Variants in CHST12 observed in about 807,000 individuals in gnomAD.
CHST12 encodes carbohydrate sulfotransferase 12.
A neutral mutation model predicts 27.9 loss-of-function variants in CHST12; 23 were observed. The observed-to-expected ratio is 0.82, with a 90% CI of 0.59 to 1.17. CHST12 has a LOEUF of 1.17. Ranked by LOEUF, CHST12 falls within the 50% of genes most tolerant of loss-of-function variation. The pLI, the probability that CHST12 is intolerant of heterozygous loss-of-function variation, is 0.00. For missense variants in CHST12, 682 were observed against 603.0 expected (o/e 1.13, Z -1.37); for synonymous variants, 322 against 273.0 (o/e 1.18, Z -1.77).
chr7:2,407,310 T>C (rs1781549755), intron 1 of CHST12, among the ~76,000 whole-genome samples: 1 of 151,774 alleles, frequency 6.6e-6, no homozygotes, highest in Non-Finnish European at 1.5e-5. Flanking sequence ...TAGCCAGGTG[T>C]GGTGGTGTGC....
intron 1 of CHST12, among the ~76,000 whole-genome samples, chr7:2,408,441 G>A (rs1781580132): frequency 6.7e-6 from 1 of 150,132 alleles, no homozygotes; most frequent in African/African-American, 2.4e-5. Flanking sequence ...CTCAGAACAA[G>A]AGGAGAAAGT....
intron 1 of CHST12, among the ~76,000 whole-genome samples, chr7:2,419,037 A>G (rs1033180258): frequency 2.6e-5 from 4 of 152,136 alleles, no homozygotes; most frequent in African/African-American, 4.8e-5. Context: ...GGCTCAAGCA[A>G]TCCCCCTGCC....
At position 2,437,468 on chromosome 7, in the gene CHST12, T is replaced by A. The variant is rs1782499421; in HGVS notation, c.*3584T>A. ...CCCTCTTTCCTCTTAAAGCATCTCA[T>A]GCTTCTTCATTCGCTGATACTTACA... On this transcript the variant is annotated 3_prime_UTR_variant, in exon 2 of 2. Transcript: ENST00000618655. 1 of 152,270 alleles carries A rather than the reference T, an allele frequency of 6.6e-6. No homozygotes were observed. The highest frequency in any genetic ancestry group is 1.5e-5 in the Non-Finnish European group (1 of 68,060). 9.4% of individuals were successfully genotyped at this position (152,270 alleles called of 1,614,324 possible). A position where few individuals can be genotyped will look rare whatever the true frequency, so the allele number is the denominator to read the frequency against.
chr7:2,430,799 G>T (rs1221859365), intron 1 of CHST12, among the ~76,000 whole-genome samples: 1 of 152,214 alleles, frequency 6.6e-6, no homozygotes, highest in Non-Finnish European at 1.5e-5. Flanking sequence ...TGTTGGCCAG[G>T]CTGGTCTCCA....
At position 2,432,751 on chromosome 7, in the gene CHST12, A is replaced by G. The variant is rs929043390; in HGVS notation, c.112A>G (p.Thr38Ala). Residue 38 changes from threonine to alanine, a missense_variant, in exon 2 of 2, where the codon ACG (threonine) becomes GCG (alanine). Coordinates refer to ENST00000618655, the MANE Select transcript of CHST12 (RefSeq NM_018641.5). ...AGGCGCCGCGCACTTCTACTTGCACACGTCCTTCTCTAGGCCGCACACGGG... is the reference window on the plus strand; with the variant it reads ...AGGCGCCGCGCACTTCTACTTGCACGCGTCCTTCTCTAGGCCGCACACGGG... ...SAGAAHFYLH[T>A]SFSRPHTGPP... The G allele has an allele frequency of 1.2e-6, 2 of 1,613,672 alleles. No individual in the cohort carries two copies. The highest frequency in any genetic ancestry group is 1.7e-6 in the Non-Finnish European group (2 of 1,179,830).
chr7:2,447,902 C>T lies in CHST12; in HGVS notation c.*14018C>T, dbSNP rs1402501650. The stretch of plus-strand genomic sequence containing the variant: ...TTTTGTTGTTGTTGAGGCAGAGCCT[C>T]ACTCTGTCGCCCAGGCAGGAGTGCA... On this transcript the variant is annotated 3_prime_UTR_variant, in exon 2 of 2. Transcript: ENST00000618655. The T allele has an allele frequency of 6.6e-6, 1 of 150,562 alleles. No homozygotes were observed. Among genetic ancestry groups the T allele is most frequent in the African/African-American group, 2.4e-5 (1 of 40,892 alleles). 9.3% of individuals were successfully genotyped at this position (150,562 alleles called of 1,614,324 possible).
chr7:2,442,623 A>G lies in CHST12; in HGVS notation c.*8739A>G, dbSNP rs1005226373. 6.6e-6 allele frequency: 1 copy of G among 152,266 alleles called. No homozygotes were observed. Among genetic ancestry groups the G allele is most frequent in the African/African-American group, 2.4e-5 (1 of 41,434 alleles). 9.4% of individuals were successfully genotyped at this position (152,266 alleles called of 1,614,324 possible). A position where few individuals can be genotyped will look rare whatever the true frequency, so the allele number is the denominator to read the frequency against. On this transcript the variant is annotated 3_prime_UTR_variant, in exon 2 of 2. Transcript: ENST00000618655. ...CGTGATCCACCCACCTCGGCCTCCCAAACTGCTGGGATTACAGGCATGAGA... is the reference window on the plus strand; with the variant it reads ...CGTGATCCACCCACCTCGGCCTCCCGAACTGCTGGGATTACAGGCATGAGA...
At chr7:2,426,852 G>C (rs1033287080) in intron 1 of CHST12, among the ~76,000 whole-genome samples, 1 of 152,032 alleles carries the variant, frequency 6.6e-6, no homozygotes, top group Non-Finnish European at 1.5e-5. Context: ...TTAGCCGGGT[G>C]TCAGGGTGGG....
intron 1 of CHST12, among the ~76,000 whole-genome samples, chr7:2,404,505 G>A (rs988953756): frequency 2.0e-5 from 3 of 152,230 alleles, no homozygotes; most frequent in Non-Finnish European, 4.4e-5. Context: ...GGTGCTGGAC[G>A]CAGTACATCT....
intron 1 of CHST12, among the ~76,000 whole-genome samples, chr7:2,415,432 C>G (rs1186382486): frequency 6.6e-6 from 1 of 151,718 alleles, no homozygotes; most frequent in South Asian, 2.1e-4. Context: ...AGCATTATGT[C>G]TAAGAAACAA....
At chr7:2,422,491 C>T (rs900664860) in intron 1 of CHST12, among the ~76,000 whole-genome samples, 4 of 151,974 alleles carry the variant, frequency 2.6e-5, no homozygotes, top group South Asian at 2.1e-4. Context: ...GTGATCCACC[C>T]GCCTCGGCCT....
chr7:2,411,522 A>G (rs1354055673), intron 1 of CHST12, among the ~76,000 whole-genome samples: 19 of 83,844 alleles, frequency 2.3e-4, no homozygotes, highest in African/African-American at 9.3e-4. Flanking sequence ...ACGGAGTCTC[A>G]CTGTTGGCCA....
At chr7:2,412,170 A>G (rs772243871) in intron 1 of CHST12, among the ~76,000 whole-genome samples, 2 of 152,238 alleles carry the variant, frequency 1.3e-5, no homozygotes, top group African/African-American at 4.8e-5. Flanking sequence ...CGTTAATTAC[A>G]TATTTTTATT....
Position 2,433,047 on chromosome 7 carries a change from C to T in CHST12, c.408C>T (p.Ser136=), listed in dbSNP as rs142186622. 3 of 1,611,694 alleles carry T rather than the reference C, an allele frequency of 1.9e-6. No homozygotes were observed. Among genetic ancestry groups the T allele is most frequent in the African/African-American group, 1.3e-5 (1 of 74,912 alleles). Residue 136 remains serine (S), a synonymous_variant, in exon 2 of 2, where the codon AGC becomes AGT. Coordinates refer to ENST00000618655, the MANE Select transcript of CHST12 (RefSeq NM_018641.5). The surrounding 1 kb of genome is among the most constrained non-coding windows in gnomAD (Gnocchi z 6.1). ...TGCGGGGCTTCTGCGCCAACTCCAG[C>T]CTGGCCTTCCCCACCAAGGAGCGCG... ...SVLRGFCANS[S]LAFPTKERAF...
intron 1 of CHST12, among the ~76,000 whole-genome samples, chr7:2,428,497 G>A (rs887000548): frequency 1.3e-4 from 20 of 152,280 alleles, no homozygotes; most frequent in African/African-American, 4.1e-4. Context: ...GTGAAAGCTG[G>A]GTCCGGGGGG....
chr7:2,424,952 T>A (rs567008397), intron 1 of CHST12, among the ~76,000 whole-genome samples: 1 of 152,240 alleles, frequency 6.6e-6, no homozygotes, highest in East Asian at 1.9e-4. Flanking sequence ...ACGCCTGTAA[T>A]CCCAGCACTT....
chr7:2,411,490 C>CTTTTTTTTT (rs79743047), intron 1 of CHST12, among the ~76,000 whole-genome samples: 6,526 of 87,350 alleles, frequency 0.075, 565 homozygotes, highest in Non-Finnish European at 0.079. Context: ...TAACTTAACT[C>CTTTTTTTTT]TTTTTTTTTT....
rs1468789893 is a variant in CHST12, at chr7:2,433,630, C to G, written c.991C>G (p.Pro331Ala). 2 of 1,613,664 alleles carry G rather than the reference C, an allele frequency of 1.2e-6. No individual in the cohort carries two copies. The highest frequency in any genetic ancestry group is 1.7e-6 in the Non-Finnish European group (2 of 1,180,026). ...HWRQVYRLCH[P>A]CQIDYDFVGK... ...GCGGCAGGTGTACCGCCTCTGCCAC[C>G]CGTGCCAGATCGACTACGACTTCGT... Residue 331 changes from proline (P) to alanine (A), a missense_variant, in exon 2 of 2, where the codon CCG becomes GCG. By Grantham distance (27) the Pro-to-Ala change is conservative. Coordinates refer to ENST00000618655, the MANE Select transcript of CHST12 (RefSeq NM_018641.5). This position sits in a 1 kb window ranked among gnomAD's most constrained non-coding sequence, Gnocchi z 6.1.
intron 1 of CHST12, among the ~76,000 whole-genome samples, chr7:2,408,996 G>A (rs1781595847): frequency 1.3e-5 from 2 of 152,186 alleles, no homozygotes; most frequent in Admixed American, 1.3e-4. Flanking sequence ...GAGTTGGGGC[G>A]GGATTAGTGA....
Sources: allele counts gnomAD v4.1 joint callset (sites outside exome capture counted in the v4.1 genomes callset), GRCh38; gene constraint gnomAD v4.1.1; non-coding constraint Gnocchi (gnomAD v3.1); transcripts MANE v1.5; gene names NCBI Gene and HGNC (gene_info 2026-07-23, HGNC 2026-07-21).